The following PPIG variants were observed in gnomAD, a reference collection of about 807,000 sequenced individuals.
PPIG encodes peptidylprolyl isomerase G.
In PPIG, 26 loss-of-function variants were observed where a neutral mutation model predicts 87.9. That is an observed-to-expected ratio of 0.30 (90% CI 0.22 to 0.41). PPIG has a LOEUF of 0.41. PPIG is among the 10% of genes least tolerant of loss of function. PPIG has a pLI of 1.00. For missense variants in PPIG, 722 were observed against 879.4 expected (o/e 0.82, Z 2.26); for synonymous variants, 308 against 276.5 (o/e 1.11, Z -1.13).
At chr2:169,604,791 T>G (rs2105487682) in intron 4 of PPIG, among the ~76,000 whole-genome samples, 1 of 150,674 alleles carries the variant, frequency 6.6e-6, no homozygotes, top group East Asian at 2.0e-4. Context: ...GGAGAATCAC[T>G]TGAACCCGAG....
intron 11 of PPIG, among the ~76,000 whole-genome samples, chr2:169,632,136 A>G (rs1686072916): frequency 6.6e-6 from 1 of 152,250 alleles, no homozygotes; most frequent in Non-Finnish European, 1.5e-5. Flanking sequence ...TAGGTTCTGA[A>G]GTAAAGTTAC....
chr2:169,631,327 A>C (rs1686046669), intron 10 of PPIG: 1 of 294,066 alleles, frequency 3.4e-6, no homozygotes, highest in Non-Finnish European at 6.2e-6. Flanking sequence ...CTTTGCTCTT[A>C]CGATAGCATA....
chr2:169,636,250 T>C, intron 13 of PPIG, 22 bp downstream of exon 13: 1 of 1,572,452 alleles, frequency 6.4e-7, no homozygotes, highest in Non-Finnish European at 8.6e-7. Context: ...CTATTATTAT[T>C]TCAAATGTAA....
At chr2:169,589,482 C>T (rs760190057) in intron 1 of PPIG, among the ~76,000 whole-genome samples, 1 of 152,050 alleles carries the variant, frequency 6.6e-6, no homozygotes, top group Non-Finnish European at 1.5e-5. Flanking sequence ...AATTACTTTC[C>T]TTGAAAGTAA....
chr2:169,596,321 T>G (rs1467491628), intron 1 of PPIG, among the ~76,000 whole-genome samples: 1 of 151,708 alleles, frequency 6.6e-6, no homozygotes, highest in Non-Finnish European at 1.5e-5. Flanking sequence ...GCCAGGCTGG[T>G]CTGGAACTCC....
intron 11 of PPIG, 31 bp from the exon 12 acceptor site, chr2:169,633,129 A>G: frequency 6.6e-7 from 1 of 1,509,912 alleles, no homozygotes; most frequent in Non-Finnish European, 9.2e-7. Context: ...TTTTAAAAAA[A>G]TGTGTTAACT....
chr2:169,611,083 A>G (rs544582960), intron 7 of PPIG, among the ~76,000 whole-genome samples: 114 of 152,142 alleles, frequency 7.5e-4, no homozygotes, highest in African/African-American at 2.3e-3. Flanking sequence ...TTGCGGGCGC[A>G]TGTAATCCCA....
intron 1 of PPIG, among the ~76,000 whole-genome samples, chr2:169,599,485 A>G (rs866570922): frequency 1.2e-4 from 18 of 152,270 alleles, no homozygotes; most frequent in South Asian, 4.1e-4. Context: ...CCCAAGGACT[A>G]TTTTATTTTA....
chr2:169,597,039 T>G (rs1013837795), intron 1 of PPIG, among the ~76,000 whole-genome samples: 1 of 152,070 alleles, frequency 6.6e-6, no homozygotes, highest in African/African-American at 2.4e-5. Context: ...GATAGATACT[T>G]AAGTTACTTC....
intron 9 of PPIG, among the ~76,000 whole-genome samples, chr2:169,630,508 G>A (rs1002178474): frequency 6.6e-6 from 1 of 152,134 alleles, no homozygotes; most frequent in Non-Finnish European, 1.5e-5. Context: ...TTCTTATTCA[G>A]ATGTTTGTTA....
chr2:169,626,512 C>G (rs191047082), intron 9 of PPIG, among the ~76,000 whole-genome samples: 1 of 151,494 alleles, frequency 6.6e-6, no homozygotes, highest in Non-Finnish European at 1.5e-5. Flanking sequence ...CTGCCTCAGC[C>G]TCCCGAGTAG....
rs1218147913 is a variant in PPIG, at chr2:169,638,273, T to G, written c.*750T>G. 1 of 151,934 alleles carries G rather than the reference T, an allele frequency of 6.6e-6. No homozygotes were observed. Among genetic ancestry groups the G allele is most frequent in the Non-Finnish European group, 1.5e-5 (1 of 67,902 alleles). The allele number at this position is 151,934 out of a possible 1,614,324, so 9.4% of individuals were successfully genotyped here. On this transcript the variant is annotated 3_prime_UTR_variant, in exon 14 of 14. Coordinates refer to ENST00000260970, the MANE Select transcript of PPIG (RefSeq NM_004792.3). ...TGGAAAATCAGATTGTGATTCTCAG[T>G]TCTGTGTTGCTTTTGGTTTGAAGAG...
chr2:169,626,610 G>A (rs1046109956), intron 9 of PPIG, among the ~76,000 whole-genome samples: 2 of 152,108 alleles, frequency 1.3e-5, no homozygotes, highest in Non-Finnish European at 2.9e-5. Context: ...GGCTGGTCTC[G>A]AACTCCTGAC....
At chr2:169,633,524 C>G (rs560268730) in intron 12 of PPIG, 2 of 488,156 alleles carry the variant, frequency 4.1e-6, no homozygotes, top group South Asian at 4.0e-5. Flanking sequence ...CACTGTATCT[C>G]TATTCTTGTT....
chr2:169,635,771 T>G (rs1482872148), intron 12 of PPIG, among the ~76,000 whole-genome samples: 2 of 152,236 alleles, frequency 1.3e-5, no homozygotes, highest in Non-Finnish European at 2.9e-5. Flanking sequence ...GGAGAAGACG[T>G]ATGGCTAGCA....
At chr2:169,608,957 G>A (rs747150393) in intron 7 of PPIG, among the ~76,000 whole-genome samples, 199 bp downstream of exon 7, 6 of 151,756 alleles carry the variant, frequency 4.0e-5, no homozygotes, top group Non-Finnish European at 5.9e-5. Flanking sequence ...GGTGTCGGAC[G>A]CCTGTAGTCC....
At chr2:169,616,655 G>T (rs1287544076) in intron 9 of PPIG, among the ~76,000 whole-genome samples, 1 of 152,162 alleles carries the variant, frequency 6.6e-6, no homozygotes, top group African/African-American at 2.4e-5. Context: ...CTTTTGAGAA[G>T]TGTCTGTTCG....
intron 6 of PPIG, 136 bp from the exon 7 acceptor site, chr2:169,608,535 C>G: frequency 2.0e-6 from 1 of 503,642 alleles, no homozygotes; most frequent in African/African-American, 2.0e-5. Flanking sequence ...TGATTCTCTT[C>G]TTTCATAACC....
At chr2:169,589,318 A>C (rs1291113182) in intron 1 of PPIG, among the ~76,000 whole-genome samples, 4 of 152,182 alleles carry the variant, frequency 2.6e-5, no homozygotes, top group Non-Finnish European at 5.9e-5. Flanking sequence ...GTCTGTCTTG[A>C]CACCTCAGAA....
Sources: gnomAD v4.1 joint callset for allele counts (sites outside exome capture counted in the v4.1 genomes callset) on GRCh38, gnomAD v4.1.1 for gene constraint, MANE v1.5 for transcripts, NCBI Gene and HGNC (gene_info 2026-07-23, HGNC 2026-07-21) for gene names.